Variants in ZC4H2 observed in about 807,000 individuals in gnomAD.
ZC4H2 encodes the protein zinc finger C4H2 domain-containing protein.
For missense variants in ZC4H2, 137 were observed against 173.9 expected, an observed-to-expected ratio of 0.79 and a Z score of 1.19; for synonymous variants, 84 against 66.3, an observed-to-expected ratio of 1.27 and a Z score of -1.30.
At chrX:64,970,608 C>A (rs1430549768) in intron 1 of ZC4H2, among the ~76,000 whole-genome samples, 1 of 111,427 alleles carries the variant, frequency 9.0e-6, no homozygotes, top group African/African-American at 3.3e-5. Context: ...TATAATAAAT[C>A]TCCCTGTGGA....
intron 1 of ZC4H2, among the ~76,000 whole-genome samples, chrX:65,006,033 G>A (rs1932651131): frequency 9.0e-6 from 1 of 111,600 alleles, no homozygotes; most frequent in Admixed American, 9.5e-5. Context: ...CAGTTAGAAT[G>A]GTGATCATTA....
chrX:64,976,470 G>A, upstream of ZC4H2: 1 of 980,985 alleles, frequency 1.0e-6, no homozygotes, highest in Non-Finnish European at 1.4e-6. Context: ...CTCCGGGCTT[G>A]GGGCTATGAG....
chrX:64,942,058 C>T (rs562669941), intron 1 of ZC4H2, among the ~76,000 whole-genome samples: 4 of 111,552 alleles, frequency 3.6e-5, no homozygotes, highest in South Asian at 7.7e-4. Context: ...TAATTATTGC[C>T]TCATTTTCAG....
rs530775822 is a variant in ZC4H2, at chrX:64,963,468, A to T, written c.53+12857T>A. Among the ~76,000 whole-genome samples the T allele has an allele frequency of 2.7e-5, 3 of 111,922 alleles. No homozygotes were observed. The South Asian group carries it at 1.1e-3, about 41-fold the overall frequency. On this transcript the variant is annotated intron_variant, in intron 1 of 4. Transcript: ENST00000374839. ...AAATTAAAATGTTTCTGCACAGCAA[A>T]GGAAACAATAAACAGAGTAAAATGG... is the stretch of plus-strand genomic sequence containing the variant.
At chrX:64,953,900 A>G (rs1292420594) in intron 1 of ZC4H2, among the ~76,000 whole-genome samples, 1 of 111,310 alleles carries the variant, frequency 9.0e-6, no homozygotes, top group Admixed American at 9.6e-5. Flanking sequence ...TCAGAATAGC[A>G]AAGACTTGGA....
At chrX:65,026,798 AGCTGCAGCTAGGAACTCAGCTG>A (rs1349341924) in intron 1 of ZC4H2, among the ~76,000 whole-genome samples, 1 of 111,960 alleles carries the variant, frequency 8.9e-6, no homozygotes, top group Non-Finnish European at 1.9e-5. Context: ...TCAAGGAATA[AGCTGCAGCTAGGAACTCAGCTG>A]CTATCTGGAC....
chrX:64,965,321 T>C (rs1396062607), intron 1 of ZC4H2: 1 of 189,837 alleles, frequency 5.3e-6, no homozygotes, highest in Non-Finnish European at 9.9e-6. Flanking sequence ...ACTATTGGCA[T>C]AAAGATACAC....
intron 1 of ZC4H2, among the ~76,000 whole-genome samples, chrX:64,935,778 T>C (rs1316807764): frequency 9.1e-6 from 1 of 109,891 alleles, no homozygotes; most frequent in Admixed American, 9.6e-5. Flanking sequence ...GAATAACACA[T>C]CCACTCAGAG....
At chrX:64,929,127 C>T (rs958183483) in intron 1 of ZC4H2, among the ~76,000 whole-genome samples, 10 of 110,978 alleles carry the variant, frequency 9.0e-5, no homozygotes, top group Non-Finnish European at 1.9e-4. Context: ...TCCTGGCCTC[C>T]AGTGATCTGC....
intron 1 of ZC4H2, among the ~76,000 whole-genome samples, chrX:65,007,695 T>C (rs1932690260): frequency 8.9e-6 from 1 of 112,040 alleles, no homozygotes; most frequent in African/African-American, 3.2e-5. Context: ...TGTACCTCTG[T>C]GATCAGAAGA....
At chrX:64,964,766 G>T (rs931684874) in intron 1 of ZC4H2, among the ~76,000 whole-genome samples, 1 of 111,261 alleles carries the variant, frequency 9.0e-6, no homozygotes, top group African/African-American at 3.3e-5. Context: ...AAAATATCAT[G>T]ATTATTTTCT....
intron 1 of ZC4H2, among the ~76,000 whole-genome samples, chrX:64,959,389 T>G (rs184511393): frequency 4.6e-4 from 46 of 99,960 alleles, no homozygotes; most frequent in African/African-American, 1.7e-3. Context: ...GTTATTTTAT[T>G]TAATTGAATC....
At chrX:64,953,793 C>T (rs1029333326) in intron 1 of ZC4H2, among the ~76,000 whole-genome samples, 74 of 111,437 alleles carry the variant, frequency 6.6e-4, no homozygotes, top group African/African-American at 2.3e-3. Context: ...AGAAATACCA[C>T]TTGACCCAGC....
intron 1 of ZC4H2, among the ~76,000 whole-genome samples, chrX:64,998,397 C>T (rs1023656041): frequency 1.8e-5 from 2 of 111,758 alleles, no homozygotes; most frequent in African/African-American, 3.3e-5. Flanking sequence ...GACAAAAATA[C>T]TTCTATTATA....
intron 1 of ZC4H2, among the ~76,000 whole-genome samples, chrX:65,032,750 C>CTTCCTTCA (rs1317013710): frequency 9.7e-6 from 1 of 103,050 alleles, no homozygotes; most frequent in Non-Finnish European, 2.0e-5. Flanking sequence ...TCCTTCCTTC[C>CTTCCTTCA]TTCCTTCCTT....
chrX:64,982,209 A>T (rs779500559), intron 1 of ZC4H2, among the ~76,000 whole-genome samples: 82 of 111,589 alleles, frequency 7.3e-4, no homozygotes, highest in African/African-American at 2.7e-3. Context: ...AGTGACCAAA[A>T]CTGACTGTCT....
chrX:64,951,621 G>C (rs986954479), intron 1 of ZC4H2, among the ~76,000 whole-genome samples: 3 of 111,739 alleles, frequency 2.7e-5, no homozygotes, highest in African/African-American at 9.8e-5. Context: ...GTCTGTTCAT[G>C]TCCTTCGCCC....
At position 65,001,212 on chromosome X, in the gene ZC4H2, A is replaced by G. The variant is rs1453639518; in HGVS notation, c.-272+33417T>C. Among the ~76,000 whole-genome samples, 3 of 111,976 alleles carry G rather than the reference A, an allele frequency of 2.7e-5. No homozygotes were observed. In the East Asian group the frequency reaches 8.4e-4, roughly 31 times the overall value. ...AAAGGTCAGGTTACCCACAAAGGGA[A>G]GCCCATCAGACTAACAGCAGATCTC... On this transcript the variant is annotated intron_variant, in intron 1 of 4. Transcript: ENST00000337990.
At chrX:64,929,967 T>A (rs748754372) in intron 1 of ZC4H2, among the ~76,000 whole-genome samples, 31 of 111,658 alleles carry the variant, frequency 2.8e-4, no homozygotes, top group Admixed American at 6.7e-4. Context: ...GGCAGTATGG[T>A]CATTTTCATA....
Sources: gnomAD v4.1 joint callset for allele counts (sites outside exome capture counted in the v4.1 genomes callset) on GRCh38, gnomAD v4.1.1 for gene constraint, MANE v1.5 for transcripts, NCBI Gene and HGNC (gene_info 2026-07-23, HGNC 2026-07-21) for gene names.